The following TP53I11 variants were observed in gnomAD, a reference collection of about 807,000 sequenced individuals.
The protein encoded by TP53I11 is tumor protein p53-inducible protein 11.
A neutral mutation model predicts 23.3 loss-of-function variants in TP53I11; 9 were observed. The ratio of observed to expected loss-of-function variants is 0.39; its 90% CI spans 0.23 to 0.67. TP53I11 has a LOEUF of 0.67. Among genes scored for constraint, TP53I11 ranks in the 30% least tolerant of loss-of-function variants. The probability of loss-of-function intolerance (pLI) is 0.48; values close to 1 mark genes in which losing one functional copy is unlikely to be tolerated. For missense variants in TP53I11, 170 were observed against 255.2 expected (o/e 0.67, Z 2.27); for synonymous variants, 100 against 106.1 (o/e 0.94, Z 0.35).
intron 1 of TP53I11, among the ~76,000 whole-genome samples, chr11:44,946,733 G>T (rs1038968422): frequency 2.0e-5 from 3 of 152,212 alleles, no homozygotes; most frequent in Admixed American, 1.3e-4. Context: ...GGCAGATTCT[G>T]CCATCACTGG....
intron 1 of TP53I11, among the ~76,000 whole-genome samples, chr11:44,949,013 C>T (rs567080699): frequency 1.3e-5 from 2 of 152,118 alleles, no homozygotes; most frequent in Non-Finnish European, 2.9e-5. Flanking sequence ...TTTGGAAGCA[C>T]GGAGGAAGTT....
chr11:44,936,149 CAGA>C lies in TP53I11; in HGVS notation c.335-490_335-488del, dbSNP rs936214278. ...GAGGGGGATGAACCATACTTTTTAG[CAGA>C]AGACCACTGACTTGGCCTCTAGCAG... On this transcript the variant is annotated intron_variant, in intron 5 of 6. Transcript: ENST00000525680. This position sits in a 1 kb window ranked among gnomAD's most constrained non-coding sequence, Gnocchi z 4.4. The C allele has an allele frequency of 1.1e-6, 1 of 913,212 alleles. No individual in the cohort carries two copies. Among genetic ancestry groups the C allele is most frequent in the African/African-American group, 1.8e-5 (1 of 55,998 alleles). 56.6% of individuals were successfully genotyped at this position (913,212 alleles called of 1,614,324 possible).
In TP53I11 at chr11:44,934,730, C is replaced by A. The variant is rs908785658; in HGVS notation, c.*154G>T. ...CAGGAGATCACAGCACACGGGGTGC[C>A]CAGGAGGAAAGGAAGGCCCCCCACC... is the stretch of plus-strand genomic sequence containing the variant. On this transcript the variant is annotated 3_prime_UTR_variant, in exon 7 of 7. Coordinates refer to ENST00000525680, the MANE Select transcript of TP53I11 (RefSeq NM_006034.5). 3 of 1,046,650 alleles carry A rather than the reference C, an allele frequency of 2.9e-6. No individual in the cohort carries two copies. Among genetic ancestry groups the A allele is most frequent in the African/African-American group, 3.2e-5 (2 of 62,182 alleles). 64.8% of individuals were successfully genotyped at this position (1,046,650 alleles called of 1,614,324 possible). A position where few individuals can be genotyped will look rare whatever the true frequency, so the allele number is the denominator to read the frequency against.
intron 2 of TP53I11, 83 bp from the exon 3 acceptor site, chr11:44,937,696 C>T (rs1861310395): frequency 6.2e-6 from 9 of 1,456,652 alleles, no homozygotes; most frequent in South Asian, 1.2e-5. Flanking sequence ...GAGCCCTGCA[C>T]ACCCAGGGAC....
chr11:44,937,735 G>T, intron 2 of TP53I11, 122 bp from the exon 3 acceptor site: 1 of 981,462 alleles, frequency 1.0e-6, no homozygotes, highest in South Asian at 1.5e-5. Context: ...TTGGCCAAAG[G>T]TTCCCCCAGG....
rs1351114749 is a variant in TP53I11, at chr11:44,933,709, A to G, written c.*1175T>C. Reference sequence around the variant, plus strand: ...GTCAGCCTTTGCCAGGGCGCTGGACAGGGCGGGGAAGATGAGGGGAGGTGG... The same window carrying G: ...GTCAGCCTTTGCCAGGGCGCTGGACGGGGCGGGGAAGATGAGGGGAGGTGG... On this transcript the variant is annotated 3_prime_UTR_variant, in exon 7 of 7. Coordinates refer to ENST00000525680, the MANE Select transcript of TP53I11 (RefSeq NM_006034.5). The G allele has an allele frequency of 6.6e-6, 1 of 152,564 alleles. No homozygotes were observed. The highest frequency in any genetic ancestry group is 1.5e-5 in the Non-Finnish European group (1 of 68,250). 9.5% of individuals were successfully genotyped at this position (152,564 alleles called of 1,614,324 possible). A position where few individuals can be genotyped will look rare whatever the true frequency, so the allele number is the denominator to read the frequency against.
rs1861190230 is a variant in TP53I11 at position 44,936,895 on chromosome 11, A to G, written c.242T>C (p.Leu81Pro). Reference sequence around the variant, plus strand: ...ATCATAGAGCTGGTCAGGGAAGGCAAGCGCCTGCGGGCAGCGAGAGGGGCT... The same window carrying G: ...ATCATAGAGCTGGTCAGGGAAGGCAGGCGCCTGCGGGCAGCGAGAGGGGCT... The part of the protein sequence containing the change: ...VLFSGIAIMA[L>P]AFPDQLYDAV... The change falls in exon 5 of 7, where the codon CTT (leucine) becomes CCT (proline). Residue 81 changes from leucine to proline, a missense_variant. By Grantham distance (98) the Leu-to-Pro change is moderately conservative. Coordinates refer to ENST00000525680, the MANE Select transcript of TP53I11 (RefSeq NM_006034.5). The surrounding 1 kb of genome is among the most constrained non-coding windows in gnomAD (Gnocchi z 4.4). 1 of 1,604,418 alleles carries G rather than the reference A, an allele frequency of 6.2e-7. No homozygotes were observed. The highest frequency in any genetic ancestry group is 8.5e-7 in the Non-Finnish European group (1 of 1,176,466).
chr11:44,938,414 G>C, intron 1 of TP53I11, 48 bp from the exon 2 acceptor site: 1 of 1,452,238 alleles, frequency 6.9e-7, no homozygotes. Context: ...CCAGCTTCCA[G>C]ACCCTAGGGG....
Position 44,934,875 on chromosome 11 carries a change from A to AGCGG in TP53I11, c.*5_*8dup. ...CAGGCATGGGCAGGGCCCCAGGCCC[A>AGCGG]GCGGGCAACTAGGCCTTCTTGGGTC... On this transcript the variant is annotated 3_prime_UTR_variant, in exon 7 of 7. Coordinates refer to ENST00000525680, the MANE Select transcript of TP53I11 (RefSeq NM_006034.5). The AGCGG allele has an allele frequency of 6.2e-7, 1 of 1,613,904 alleles. No individual in the cohort carries two copies. Among genetic ancestry groups the AGCGG allele is most frequent in the Non-Finnish European group, 8.5e-7 (1 of 1,179,898 alleles).
intron 1 of TP53I11, chr11:44,946,894 AC>A (rs1862438441): frequency 1.0e-5 from 4 of 395,088 alleles, no homozygotes; most frequent in Non-Finnish European, 2.1e-5. Context: ...AAGACCCGCC[AC>A]CCCTCAGCCT....
intron 1 of TP53I11, chr11:44,940,461 T>C (rs773258702): frequency 1.3e-5 from 2 of 152,268 alleles, no homozygotes; most frequent in Non-Finnish European, 2.9e-5. Context: ...TCTGACACTA[T>C]GGCTTTTGTG....
chr11:44,946,605 C>A (rs1485323978), intron 1 of TP53I11, among the ~76,000 whole-genome samples: 1 of 152,228 alleles, frequency 6.6e-6, no homozygotes, highest in African/African-American at 2.4e-5. Flanking sequence ...CGCCCCATTT[C>A]CAAGAACCTC....
At chr11:44,935,688 T>TGGGGGGGGGTTTTAAAGGGGGGGG in intron 5 of TP53I11, 26 bp from the exon 6 acceptor site, 3 of 424,484 alleles carry the variant, frequency 7.1e-6, no homozygotes, top group Non-Finnish European at 8.7e-6. Flanking sequence ...AAAAGGGGGC[T>TGGGGGGGGGTTTTAAAGGGGGGGG]GGGGGTGGGA....
At chr11:44,935,742 C>T in intron 5 of TP53I11, 80 bp from the exon 6 acceptor site, 1 of 970,392 alleles carries the variant, frequency 1.0e-6, no homozygotes, top group Non-Finnish European at 1.6e-6. Flanking sequence ...GCTCCTGCTT[C>T]CTCTGGCCAC....
chr11:44,936,594 G>T lies in TP53I11; in HGVS notation c.334+209C>A. ...TCCTTGCAGATGGTGGCGACTGCAA[G>T]CTCCAACCCACTGGGTGTATTCCAC... On this transcript the variant is annotated intron_variant, in intron 5 of 6. Transcript: ENST00000525680. This position sits in a 1 kb window ranked among gnomAD's most constrained non-coding sequence, Gnocchi z 4.4. 3.0e-6 allele frequency: 4 copies of T among 1,315,012 alleles called. No homozygotes were observed. The South Asian group carries it at 8.7e-5, about 29-fold the overall frequency. The allele number at this position is 1,315,012 out of a possible 1,614,324, so 81.5% of individuals were successfully genotyped here. A position where few individuals can be genotyped will look rare whatever the true frequency, so the allele number is the denominator to read the frequency against.
chr11:44,947,383 A>C, intron 1 of TP53I11: 1 of 297,842 alleles, frequency 3.4e-6, no homozygotes, highest in Non-Finnish European at 6.8e-6. Context: ...TGCAGCAGGC[A>C]CCTCCCTCTC....
intron 1 of TP53I11, among the ~76,000 whole-genome samples, chr11:44,944,567 A>G (rs1862209713): frequency 6.6e-6 from 1 of 152,190 alleles, no homozygotes; most frequent in East Asian, 1.9e-4. Context: ...TGGGGATACA[A>G]GAGTCAGAAG....
chr11:44,948,008 T>C (rs1862555900), intron 1 of TP53I11, among the ~76,000 whole-genome samples: 2 of 151,888 alleles, frequency 1.3e-5, no homozygotes, highest in African/African-American at 4.8e-5. Context: ...CAGGTCAGAG[T>C]TGGGTGCTCA....
intron 1 of TP53I11, among the ~76,000 whole-genome samples, chr11:44,944,170 C>T (rs1306541450): frequency 1.3e-5 from 2 of 152,140 alleles, no homozygotes; most frequent in Admixed American, 6.5e-5. Flanking sequence ...TGGCAGAGGA[C>T]CTGGCAGTGG....
Sources: allele counts gnomAD v4.1 joint callset (sites outside exome capture counted in the v4.1 genomes callset), GRCh38; gene constraint gnomAD v4.1.1; non-coding constraint Gnocchi (gnomAD v3.1); transcripts MANE v1.5; gene names NCBI Gene and HGNC (gene_info 2026-07-23, HGNC 2026-07-21).